The following KIFAP3 variants were observed in gnomAD, a reference collection of about 807,000 sequenced individuals.
KIFAP3 encodes the protein kinesin-associated protein 3.
KIFAP3 carries 68 observed loss-of-function variants against 106.5 expected under a neutral mutation model. The ratio of observed to expected loss-of-function variants is 0.64; its 90% CI spans 0.53 to 0.78. KIFAP3 has a LOEUF of 0.78. Among genes scored for constraint, KIFAP3 ranks in the 30% least tolerant of loss-of-function variants. The pLI is 0.00. For synonymous variants in KIFAP3, 320 were observed against 311.5 expected (o/e 1.03, Z -0.29); for missense variants, 780 against 941.8 (o/e 0.83, Z 2.25).
At chr1:169,938,493 G>T (rs1379773014) in intron 19 of KIFAP3, among the ~76,000 whole-genome samples, 2 of 151,970 alleles carry the variant, frequency 1.3e-5, no homozygotes, top group African/African-American at 4.8e-5. Context: ...TTAAAATTAA[G>T]AAATTATAAA....
In KIFAP3 at chr1:169,990,585, C is replaced by T. The variant is rs3790409; in HGVS notation, c.1284+1570G>A. On this transcript the variant is annotated intron_variant, in intron 11 of 19. Coordinates refer to ENST00000361580, the MANE Select transcript of KIFAP3 (RefSeq NM_014970.4). ...TTAAAAATCAGCCCAAATAGTGTTA[C>T]AATAATCATAATTCAAATTAGTGGA... Among the ~76,000 whole-genome samples, 55 of 151,984 alleles carry T rather than the reference C, an allele frequency of 3.6e-4. No homozygotes were observed. In the East Asian group the frequency reaches 0.01, roughly 29 times the overall value.
At chr1:170,028,752 C>T (rs774490267) in intron 8 of KIFAP3, among the ~76,000 whole-genome samples, 2 of 152,110 alleles carry the variant, frequency 1.3e-5, no homozygotes, top group Non-Finnish European at 2.9e-5. Context: ...AAATACTTGA[C>T]AGCAGAGTTA....
rs144992594 is a variant in KIFAP3, at chr1:170,034,653, C to A, written c.618-157G>T. Among the ~76,000 whole-genome samples, 902 of 151,764 alleles carry A rather than the reference C, an allele frequency of 5.9e-3. 11 individuals are homozygous for A. The highest frequency in any genetic ancestry group is 0.011 in the Non-Finnish European group (748 of 67,742). Reference sequence around the variant, plus strand: ...ATCCACAATACACTAGGAAGACTTGCGATTATAAAATTACTTTAAATATAT... The same window carrying A: ...ATCCACAATACACTAGGAAGACTTGAGATTATAAAATTACTTTAAATATAT... On this transcript the variant is annotated intron_variant, in intron 6 of 19. Coordinates refer to ENST00000361580, the MANE Select transcript of KIFAP3 (RefSeq NM_014970.4).
upstream of KIFAP3, among the ~76,000 whole-genome samples, chr1:170,075,470 CT>C (rs1671883159): frequency 6.6e-6 from 1 of 152,230 alleles, no homozygotes. Flanking sequence ...CACTTATTCA[CT>C]GTCTTCTAGT....
intron 10 of KIFAP3, among the ~76,000 whole-genome samples, chr1:169,995,732 C>T (rs1464598920): frequency 6.6e-6 from 1 of 152,022 alleles, no homozygotes; most frequent in East Asian, 1.9e-4. Context: ...AAGCAATGTC[C>T]TGAGGTGGCA....
At chr1:170,075,931 TATTA>T (rs1347659283), upstream of KIFAP3, among the ~76,000 whole-genome samples, 2 of 152,222 alleles carry the variant, frequency 1.3e-5, no homozygotes, top group Admixed American at 6.5e-5. Flanking sequence ...TTTTTCTAAA[TATTA>T]ATTCTGCAAA....
chr1:170,029,387 A>G (rs1328748666), intron 8 of KIFAP3, among the ~76,000 whole-genome samples: 1 of 152,040 alleles, frequency 6.6e-6, no homozygotes, highest in Non-Finnish European at 1.5e-5. Flanking sequence ...GAAAAAAATA[A>G]CTCCCTTCTA....
intron 19 of KIFAP3, among the ~76,000 whole-genome samples, chr1:169,924,156 GCA>G (rs1662992200): frequency 6.6e-6 from 1 of 152,148 alleles, no homozygotes; most frequent in Non-Finnish European, 1.5e-5. Context: ...AATATGTCAT[GCA>G]CATTGTTGAT....
chr1:169,984,081 A>G (rs948131689), intron 12 of KIFAP3, among the ~76,000 whole-genome samples: 1 of 151,780 alleles, frequency 6.6e-6, no homozygotes, highest in Admixed American at 6.6e-5. Flanking sequence ...CTAAAATCTT[A>G]CCTATGATTA....
In KIFAP3 at chr1:170,071,772, A is replaced by C. The variant is rs1283160226; in HGVS notation, c.32+2664T>G. On this transcript the variant is annotated intron_variant, in intron 1 of 19. Coordinates refer to ENST00000361580, the MANE Select transcript of KIFAP3 (RefSeq NM_014970.4). Reference sequence around the variant, plus strand: ...CCAGGCTCCAGCTCCCAACACTGCCACAATGGGGGACCAAGTTTTAACATG... The same window carrying C: ...CCAGGCTCCAGCTCCCAACACTGCCCCAATGGGGGACCAAGTTTTAACATG... Among the ~76,000 whole-genome samples, 5 of 152,332 alleles carry C rather than the reference A, an allele frequency of 3.3e-5. No homozygotes were observed. In the East Asian group the frequency reaches 9.6e-4, roughly 29 times the overall value.
At chr1:169,929,558 G>A (rs370798855) in intron 19 of KIFAP3, among the ~76,000 whole-genome samples, 8 of 152,074 alleles carry the variant, frequency 5.3e-5, no homozygotes, top group South Asian at 2.1e-4. Flanking sequence ...TTGTATTGTT[G>A]AGAAAATAAA....
At chr1:169,964,375 G>A (rs1294735369) in intron 17 of KIFAP3, among the ~76,000 whole-genome samples, 2 of 152,092 alleles carry the variant, frequency 1.3e-5, no homozygotes, top group East Asian at 1.9e-4. Context: ...TGTAAGCCTC[G>A]GGCCAGCAAT....
rs529347279 is a variant in KIFAP3 at position 170,002,309 on chromosome 1, A to T, written c.1184-10054T>A. On this transcript the variant is annotated intron_variant, in intron 10 of 19. Transcript: ENST00000361580. ...TACTCTCAAAATCAATTTTGGGTCT[A>T]CTCACAGAATAGAGAAACATTTATA... 3.2e-4 allele frequency among the ~76,000 whole-genome samples: 48 copies of T among 152,318 alleles called. 1 individual carries two copies. In the South Asian group the frequency reaches 3.3e-3, roughly 11 times the overall value.
intron 19 of KIFAP3, among the ~76,000 whole-genome samples, chr1:169,926,680 TGTACAC>T (rs1190817885): frequency 1.5e-4 from 22 of 151,124 alleles, no homozygotes; most frequent in East Asian, 1.9e-4. Flanking sequence ...CAGTTGTGTG[TGTACAC>T]ACACACACAC....
At chr1:169,952,996 GA>G (rs1355417386) in intron 19 of KIFAP3, among the ~76,000 whole-genome samples, 4 of 151,882 alleles carry the variant, frequency 2.6e-5, no homozygotes, top group East Asian at 1.9e-4. Flanking sequence ...AATTTAAGAA[GA>G]AAAAAATTAA....
upstream of KIFAP3, among the ~76,000 whole-genome samples, chr1:170,078,895 CTT>C (rs1482677954): frequency 5.9e-5 from 9 of 152,282 alleles, no homozygotes; most frequent in Admixed American, 2.6e-4. Context: ...GTGCAAAACT[CTT>C]TAACAAAATA....
At chr1:170,033,383 ACAAAG>A (rs892852593) in intron 7 of KIFAP3, among the ~76,000 whole-genome samples, 8 of 151,764 alleles carry the variant, frequency 5.3e-5, no homozygotes, top group African/African-American at 1.9e-4. Flanking sequence ...CCACTTTTGC[ACAAAG>A]CAGAGTTAAA....
chr1:170,046,256 A>G (rs143670268), intron 3 of KIFAP3, among the ~76,000 whole-genome samples: 58 of 151,584 alleles, frequency 3.8e-4, no homozygotes, highest in Non-Finnish European at 1.2e-4. Context: ...AAGATTCATG[A>G]AAGTTATATC....
chr1:170,061,932 A>G (rs1671179248), intron 1 of KIFAP3, among the ~76,000 whole-genome samples: 1 of 152,112 alleles, frequency 6.6e-6, no homozygotes, highest in Non-Finnish European at 1.5e-5. Flanking sequence ...CAAATACCGC[A>G]TGTTCTCACT....
Sources: allele counts gnomAD v4.1 joint callset (sites outside exome capture counted in the v4.1 genomes callset), GRCh38; gene constraint gnomAD v4.1.1; transcripts MANE v1.5; gene names NCBI Gene and HGNC (gene_info 2026-07-23, HGNC 2026-07-21).